The following PYGB variants were observed in gnomAD, a reference collection of about 807,000 sequenced individuals.
PYGB encodes the protein glycogen phosphorylase, brain form.
In PYGB, 82 loss-of-function variants were observed where a neutral mutation model predicts 94.3. The ratio of observed to expected loss-of-function variants is 0.87; its 90% confidence interval spans 0.73 to 1.04. The LOEUF (loss-of-function observed/expected upper bound fraction) is 1.04, where lower values mean the gene tolerates loss of function less well. Ranked by LOEUF, PYGB falls within the 50% of genes least tolerant of loss-of-function variation. The probability of loss-of-function intolerance (pLI) is 0.00; values close to 1 mark genes in which losing one functional copy is unlikely to be tolerated. For missense variants in PYGB, 1,132 were observed against 1,158.2 expected (o/e 0.98, Z 0.33); for synonymous variants, 488 against 479.1 (o/e 1.02, Z -0.24).
At chr20:25,270,153 A>G (rs2088252926) in intron 3 of PYGB, among the ~76,000 whole-genome samples, 1 of 148,082 alleles carries the variant, frequency 6.8e-6, no homozygotes, top group Non-Finnish European at 1.5e-5. Context: ...CTAGTGTTCC[A>G]GGTGGGTGTT....
chr20:25,292,162 G>GC (rs968698074), intron 16 of PYGB, among the ~76,000 whole-genome samples: 14 of 152,184 alleles, frequency 9.2e-5, no homozygotes, highest in African/African-American at 3.1e-4. Context: ...CTCCTGAGGA[G>GC]CCCCCATCTT....
intron 1 of PYGB, among the ~76,000 whole-genome samples, chr20:25,249,733 GA>G (rs1469269063): frequency 2.0e-5 from 3 of 152,146 alleles, no homozygotes; most frequent in African/African-American, 7.2e-5. Flanking sequence ...AAGTGGCAAC[GA>G]ATGGCCAAAA....
At chr20:25,285,501 A>G (rs952252698) in intron 14 of PYGB, 2 of 151,036 alleles carry the variant, frequency 1.3e-5, no homozygotes, top group Admixed American at 1.3e-4. Flanking sequence ...ATCGTCTTCT[A>G]TTGTTGGCCT....
At chr20:25,263,536 A>G (rs1346435147) in intron 2 of PYGB, among the ~76,000 whole-genome samples, 2 of 152,220 alleles carry the variant, frequency 1.3e-5, no homozygotes, top group African/African-American at 4.8e-5. Context: ...ACCGGTAGCA[A>G]GACTAATAAA....
rs200962414 is a variant in PYGB at position 25,271,440 on chromosome 20, G to A, written c.482G>A (p.Arg161His). Reference sequence around the variant, plus strand: ...CTGGCAGCATACGGCTATGGAATCCGCTATGAATTTGGGATTTTTAACCAG... The same window carrying A: ...CTGGCAGCATACGGCTATGGAATCCACTATGAATTTGGGATTTTTAACCAG... ...LGLAAYGYGI[R>H]YEFGIFNQKI... Residue 161 changes from arginine (R) to histidine (H), a missense_variant, in exon 4 of 20, where the codon CGC becomes CAC. Physicochemically the swap from Arg to His is conservative, Grantham distance 29. Coordinates refer to ENST00000216962, the MANE Select transcript of PYGB (RefSeq NM_002862.4). 3.1e-6 allele frequency: 5 copies of A among 1,614,072 alleles called. No homozygotes were observed. Among genetic ancestry groups the A allele is most frequent in the Middle Eastern group, 1.6e-4 (1 of 6,084 alleles).
chr20:25,281,977 C>A, intron 11 of PYGB, 56 bp from the exon 12 acceptor site: 1 of 1,452,898 alleles, frequency 6.9e-7, no homozygotes, highest in Non-Finnish European at 9.7e-7. Context: ...AGGTCTGTTG[C>A]TCACCTGGTG....
At chr20:25,275,344 A>G (rs2088301657) in intron 5 of PYGB, among the ~76,000 whole-genome samples, 1 of 152,220 alleles carries the variant, frequency 6.6e-6, no homozygotes, top group Non-Finnish European at 1.5e-5. Context: ...CACGTGAGGG[A>G]GCACCCAGTC....
intron 16 of PYGB, among the ~76,000 whole-genome samples, chr20:25,291,125 C>T (rs747841805): frequency 3.3e-5 from 5 of 152,336 alleles, no homozygotes; most frequent in Middle Eastern, 3.4e-3. Flanking sequence ...GCCCCTCCTC[C>T]GCCCACATCC....
chr20:25,285,796 T>C (rs921827773), intron 14 of PYGB, among the ~76,000 whole-genome samples: 56 of 152,188 alleles, frequency 3.7e-4, no homozygotes, highest in African/African-American at 1.3e-3. Context: ...TGTCCCCAGC[T>C]GTATCAGTTT....
intron 4 of PYGB, among the ~76,000 whole-genome samples, chr20:25,272,495 A>G (rs2088276185): frequency 6.6e-6 from 1 of 152,268 alleles, no homozygotes; most frequent in Non-Finnish European, 1.5e-5. Context: ...TCATATCTGC[A>G]GCTTGCTTTA....
At position 25,296,657 on chromosome 20, in the gene PYGB, G is replaced by A; in HGVS notation, c.*135G>A. On this transcript the variant is annotated 3_prime_UTR_variant, in exon 20 of 20. Coordinates refer to ENST00000216962, the MANE Select transcript of PYGB (RefSeq NM_002862.4). ...TACCATGTTTCCAGGAGGGGCCATG[G>A]GGGTCAGGGTGGTTTTGAGAGAGCA... 2 of 1,218,636 alleles carry A rather than the reference G, an allele frequency of 1.6e-6. No individual in the cohort carries two copies. Among genetic ancestry groups the A allele is most frequent in the East Asian group, 5.1e-5 (2 of 39,510 alleles). The allele number at this position is 1,218,636 out of a possible 1,614,324, so 75.5% of individuals were successfully genotyped here. A position where few individuals can be genotyped will look rare whatever the true frequency, so the allele number is the denominator to read the frequency against.
At chr20:25,256,979 C>T (rs77959670) in intron 1 of PYGB, among the ~76,000 whole-genome samples, 9,890 of 152,192 alleles carry the variant, frequency 0.065, 993 homozygotes, top group African/African-American at 0.22. Flanking sequence ...TAGCCCTGTG[C>T]GAGCCCACAG....
chr20:25,292,337 GC>G, intron 16 of PYGB, 68 bp from the exon 17 acceptor site: 1 of 1,556,572 alleles, frequency 6.4e-7, no homozygotes, highest in Non-Finnish European at 8.8e-7. Context: ...GGCTTGTCCT[GC>G]AGTGAGCCTT....
chr20:25,276,183 G>GA (rs1322961129), intron 5 of PYGB, among the ~76,000 whole-genome samples: 1 of 152,168 alleles, frequency 6.6e-6, no homozygotes, highest in Non-Finnish European at 1.5e-5. Context: ...GCAGCTGCAG[G>GA]AGCAACCTTC....
intron 18 of PYGB, chr20:25,294,932 G>A (rs779109285): frequency 6.3e-6 from 10 of 1,595,836 alleles, no homozygotes; most frequent in Non-Finnish European, 7.7e-6. Context: ...TTTTAGTTTT[G>A]TCTGCTGCTC....
In PYGB at chr20:25,278,484, G is replaced by A. The variant is rs1273918286; in HGVS notation, c.999+22G>A. 4 of 1,612,562 alleles carry A rather than the reference G, an allele frequency of 2.5e-6. No homozygotes were observed. The South Asian group carries it at 4.4e-5, about 18-fold the overall frequency. On this transcript the variant is annotated intron_variant, in intron 8 of 19. Transcript: ENST00000216962. ...CAAGGTGCATGGTGGCCCTGGGAGG[G>A]ATCTCAGTGCCAGGGGCTGGGCGCC...
rs73904040 is a variant in PYGB at position 25,273,549 on chromosome 20, G to A, written c.529-1043G>A. Among the ~76,000 whole-genome samples the A allele has an allele frequency of 7.1e-3, 1,087 of 152,312 alleles. 7 individuals are homozygous for A. The highest frequency in any genetic ancestry group is 0.024 in the African/African-American group (1,011 of 41,568). On this transcript the variant is annotated intron_variant, in intron 4 of 19. Transcript: ENST00000216962. Reference sequence around the variant, plus strand: ...TTTAGTAATTGAGACTTCAGAATCCGCCCTTGCTGCTGTACCAGATGGAGT... The same window carrying A: ...TTTAGTAATTGAGACTTCAGAATCCACCCTTGCTGCTGTACCAGATGGAGT...
chr20:25,259,210 A>T, intron 1 of PYGB, 27 bp from the exon 2 acceptor site: 1 of 1,536,918 alleles, frequency 6.5e-7, no homozygotes, highest in East Asian at 2.2e-5. Context: ...GGAATGAGAA[A>T]TCTTATTCTT....
intron 2 of PYGB, among the ~76,000 whole-genome samples, chr20:25,261,095 A>C (rs1217795866): frequency 2.6e-5 from 4 of 152,220 alleles, no homozygotes; most frequent in Non-Finnish European, 4.4e-5. Context: ...TTCTGCAGAC[A>C]AATGTCTCTG....
Sources: allele counts gnomAD v4.1 joint callset (sites outside exome capture counted in the v4.1 genomes callset), GRCh38; gene constraint gnomAD v4.1.1; transcripts MANE v1.5; gene names NCBI Gene and HGNC (gene_info 2026-07-23, HGNC 2026-07-21).